SNTG1: variants seen among roughly 807,000 people sequenced by gnomAD.
SNTG1 encodes the protein syntrophin gamma 1, also known as gamma-1-syntrophin.
In SNTG1, 39 loss-of-function variants were observed where a neutral mutation model predicts 74.7. The ratio of observed to expected loss-of-function variants is 0.52; its 90% CI spans 0.40 to 0.68. The LOEUF is 0.68. Ranked by LOEUF, SNTG1 falls within the 30% of genes least tolerant of loss-of-function variation. The probability of loss-of-function intolerance (pLI) is 0.00; values close to 1 mark genes in which losing one functional copy is unlikely to be tolerated. For missense variants in SNTG1, 685 were observed against 609.5 expected, an observed-to-expected ratio of 1.12 and a Z score of -1.30; for synonymous variants, 254 against 217.1, an observed-to-expected ratio of 1.17 and a Z score of -1.49.
At chr8:50,479,645 T>C (rs1434960643) in intron 8 of SNTG1, among the ~76,000 whole-genome samples, 1 of 152,054 alleles carries the variant, frequency 6.6e-6, no homozygotes, top group African/African-American at 2.4e-5. Context: ...GAGCCCTTCC[T>C]CTGCACTCAC....
intron 15 of SNTG1, among the ~76,000 whole-genome samples, chr8:50,685,165 A>G (rs905446437): frequency 6.6e-6 from 1 of 152,162 alleles, no homozygotes; most frequent in Non-Finnish European, 1.5e-5. Context: ...GAAGAACAAG[A>G]GCATGGTTGT....
At chr8:50,318,964 T>C (rs13277711) in intron 2 of SNTG1, among the ~76,000 whole-genome samples, 71,308 of 151,056 alleles carry the variant, frequency 0.47, 19,199 homozygotes, top group East Asian at 0.83. Flanking sequence ...TCTACGTATG[T>C]ATATTTATAT....
intron 1 of SNTG1, among the ~76,000 whole-genome samples, chr8:49,990,558 T>G (rs900868397): frequency 6.6e-6 from 1 of 152,108 alleles, no homozygotes; most frequent in Non-Finnish European, 1.5e-5. Flanking sequence ...AAATACATAA[T>G]GTATTACAAA....
At chr8:50,157,644 T>C (rs1025119242) in intron 1 of SNTG1, among the ~76,000 whole-genome samples, 6 of 152,114 alleles carry the variant, frequency 3.9e-5, no homozygotes, top group East Asian at 1.9e-4. Flanking sequence ...TAAGGTATTA[T>C]TGGATGACAA....
intron 3 of SNTG1, among the ~76,000 whole-genome samples, chr8:50,400,198 G>T (rs992634452): frequency 6.6e-6 from 1 of 152,188 alleles, no homozygotes; most frequent in Admixed American, 6.5e-5. Flanking sequence ...GGTATTATTT[G>T]CCTGGGATAG....
chr8:50,771,237 A>G (rs1243035181), intron 18 of SNTG1, among the ~76,000 whole-genome samples: 1 of 152,058 alleles, frequency 6.6e-6, no homozygotes, highest in Non-Finnish European at 1.5e-5. Flanking sequence ...AGATGAGGGA[A>G]AGTTTGGAAC....
In SNTG1 at chr8:50,481,121, G is replaced by A. The variant is rs191746433; in HGVS notation, c.364-21657G>A. On this transcript the variant is annotated intron_variant, in intron 8 of 18. Transcript: ENST00000642720. Reference sequence around the variant, plus strand: ...GCACAGGCTGGGCGCGGTGGCTCACGCCTGTAATCCCAGCACTTTGGGAAG... The same window carrying A: ...GCACAGGCTGGGCGCGGTGGCTCACACCTGTAATCCCAGCACTTTGGGAAG... Among the ~76,000 whole-genome samples, 5 of 152,314 alleles carry A rather than the reference G, an allele frequency of 3.3e-5. No individual in the cohort carries two copies. In the East Asian group the frequency reaches 7.7e-4, roughly 24 times the overall value.
intron 2 of SNTG1, among the ~76,000 whole-genome samples, chr8:50,295,962 G>A (rs1234509288): frequency 6.6e-6 from 1 of 152,126 alleles, no homozygotes. Context: ...TCCTATGATG[G>A]CATTTGAGTG....
At chr8:50,563,333 A>G (rs561447103) in intron 12 of SNTG1, among the ~76,000 whole-genome samples, 1 of 152,312 alleles carries the variant, frequency 6.6e-6, no homozygotes, top group East Asian at 1.9e-4. Context: ...AGAAAAATGA[A>G]GACAGAAGAG....
At chr8:50,731,097 G>A (rs1198946122) in intron 17 of SNTG1, among the ~76,000 whole-genome samples, 1 of 152,100 alleles carries the variant, frequency 6.6e-6, no homozygotes, top group Non-Finnish European at 1.5e-5. Context: ...ACATTTTAGG[G>A]TTTGTGGCTC....
intron 1 of SNTG1, among the ~76,000 whole-genome samples, chr8:49,914,361 TA>T (rs10563690): frequency 0.64 from 93,165 of 145,024 alleles, 32,520 homozygotes; most frequent in East Asian, 0.85. Flanking sequence ...TTTTCCCCAT[TA>T]AAAAAAAAAA....
At chr8:50,709,956 G>A (rs374401421) in intron 17 of SNTG1, among the ~76,000 whole-genome samples, 2 of 152,078 alleles carry the variant, frequency 1.3e-5, no homozygotes, top group Non-Finnish European at 1.5e-5. Context: ...AAAGCAAATG[G>A]CAACAAAATA....
At chr8:50,530,970 G>A (rs1660981479) in intron 10 of SNTG1, among the ~76,000 whole-genome samples, 1 of 152,120 alleles carries the variant, frequency 6.6e-6, no homozygotes, top group Admixed American at 6.5e-5. Context: ...CAAACATAAA[G>A]AGAAGCAGAG....
At chr8:50,521,723 G>A (rs2094181146) in intron 9 of SNTG1, among the ~76,000 whole-genome samples, 2 of 152,076 alleles carry the variant, frequency 1.3e-5, no homozygotes, top group African/African-American at 4.8e-5. Flanking sequence ...CTAAGTTTAT[G>A]TAATATTCTA....
At chr8:50,027,336 T>A (rs900958) in intron 1 of SNTG1, among the ~76,000 whole-genome samples, 8 of 151,988 alleles carry the variant, frequency 5.3e-5, no homozygotes, top group South Asian at 2.1e-4. Flanking sequence ...GACACCAGCC[T>A]TATCCAGACA....
At chr8:50,753,793 A>G (rs1043226811) in intron 18 of SNTG1, among the ~76,000 whole-genome samples, 8 of 144,876 alleles carry the variant, frequency 5.5e-5, no homozygotes, top group African/African-American at 2.2e-4. Flanking sequence ...TATGGAATAG[A>G]AAAAAAAAGT....
chr8:50,281,695 T>C (rs1053287998), intron 2 of SNTG1, among the ~76,000 whole-genome samples: 26 of 152,154 alleles, frequency 1.7e-4, no homozygotes, highest in Admixed American at 1.6e-3. Context: ...ATCTAATAGG[T>C]ATACTATAAT....
At chr8:50,072,565 T>C (rs568923848) in intron 1 of SNTG1, among the ~76,000 whole-genome samples, 3 of 152,332 alleles carry the variant, frequency 2.0e-5, no homozygotes, top group Non-Finnish European at 4.4e-5. Context: ...GTAGAGCTGC[T>C]GTAACAAAGT....
intron 1 of SNTG1, among the ~76,000 whole-genome samples, chr8:49,964,769 T>C (rs762595827): frequency 6.6e-6 from 1 of 152,198 alleles, no homozygotes; most frequent in African/African-American, 2.4e-5. Context: ...ATTTATCCAG[T>C]TCCATGATAG....
Sources: allele counts gnomAD v4.1 joint callset (sites outside exome capture counted in the v4.1 genomes callset), GRCh38; gene constraint gnomAD v4.1.1; transcripts MANE v1.5; gene names NCBI Gene and HGNC (gene_info 2026-07-23, HGNC 2026-07-21).